The following EFHD1 variants were observed in gnomAD, a reference collection of about 807,000 sequenced individuals.
EFHD1 encodes EF-hand domain-containing protein D1.
A neutral mutation model predicts 17.2 loss-of-function variants in EFHD1; 10 were observed. The observed-to-expected ratio is 0.58, with a 90% CI of 0.36 to 0.99. EFHD1 has a LOEUF of 0.99. Among genes scored for constraint, EFHD1 ranks in the 50% least tolerant of loss-of-function variants. The pLI, the probability that EFHD1 is intolerant of heterozygous loss-of-function variation, is 0.01. For synonymous variants in EFHD1, 153 were observed against 142.0 expected, an observed-to-expected ratio of 1.08 and a Z score of -0.55; for missense variants, 310 against 327.5, an observed-to-expected ratio of 0.95 and a Z score of 0.41.
chr2:232,669,776 T>A (rs1423745816), intron 2 of EFHD1, among the ~76,000 whole-genome samples: 1 of 152,076 alleles, frequency 6.6e-6, no homozygotes, highest in East Asian at 1.9e-4. Context: ...AATCTTTGTA[T>A]TTTTAGTGGA....
intron 1 of EFHD1, among the ~76,000 whole-genome samples, chr2:232,615,648 T>C (rs1453518946): frequency 2.6e-5 from 4 of 151,754 alleles, no homozygotes; most frequent in Non-Finnish European, 5.9e-5. Context: ...AAAAATAGTG[T>C]AGTCGTTTTT....
At chr2:232,678,226 A>G (rs1475229806) in intron 3 of EFHD1, among the ~76,000 whole-genome samples, 3 of 151,898 alleles carry the variant, frequency 2.0e-5, no homozygotes, top group African/African-American at 7.3e-5. Flanking sequence ...AGATCACGCC[A>G]TTGAGCTCCA....
Position 232,672,312 on chromosome 2 carries a change from CT to C in EFHD1, c.455del (p.Leu152ArgfsTer18), listed in dbSNP as rs1695086865. 1 of 1,614,048 alleles carries C rather than the reference CT, an allele frequency of 6.2e-7. No individual in the cohort carries two copies. The highest frequency in any genetic ancestry group is 8.5e-7 in the Non-Finnish European group (1 of 1,180,044). On this transcript the variant is annotated frameshift_variant, in exon 3 of 4. Transcript: ENST00000264059. LOFTEE classifies it high-confidence loss of function. ...CCCTACTTTCTTTCCCCTGTAGTTCCTGCTCATTTTCCACAAGGCCGCGGCA... is the reference window on the plus strand; with the variant it reads ...CCCTACTTTCTTTCCCCTGTAGTTCCGCTCATTTTCCACAAGGCCGCGGCA... ...FDGKLSFREFLLIFHKAAAGE... is the reference protein window; with the variant it reads ...FDGKLSFREFXLIFHKAAAGE...
chr2:232,649,348 G>C (rs1298303565), intron 1 of EFHD1, among the ~76,000 whole-genome samples: 1 of 152,212 alleles, frequency 6.6e-6, no homozygotes, highest in African/African-American at 2.4e-5. Flanking sequence ...CTCAGTGGTG[G>C]CCTCAACTAG....
intron 1 of EFHD1, among the ~76,000 whole-genome samples, chr2:232,622,098 C>T (rs184342018): frequency 1.3e-5 from 2 of 152,316 alleles, no homozygotes; most frequent in East Asian, 3.9e-4. Context: ...TGGACATGAC[C>T]CTTCTCTACA....
At chr2:232,655,603 C>G (rs990855356) in intron 1 of EFHD1, among the ~76,000 whole-genome samples, 5 of 152,206 alleles carry the variant, frequency 3.3e-5, no homozygotes, top group Admixed American at 6.5e-5. Context: ...TGTGCAAGCT[C>G]TCTTTACTTC....
intron 1 of EFHD1, among the ~76,000 whole-genome samples, chr2:232,656,504 A>G (rs1694764638): frequency 6.6e-6 from 1 of 151,248 alleles, no homozygotes; most frequent in African/African-American, 2.4e-5. Context: ...GTATGAGCAC[A>G]GCTCATTGCA....
intron 1 of EFHD1, among the ~76,000 whole-genome samples, chr2:232,638,644 C>G (rs1694365495): frequency 6.6e-6 from 1 of 152,086 alleles, no homozygotes. Flanking sequence ...GGGAGGCTTA[C>G]TGGGGAGGTG....
chr2:232,606,133 G>A (rs7571133), exon 1 of EFHD1: 770,310 of 1,546,890 alleles, frequency 0.5, 197,625 homozygotes, highest in African/African-American at 0.72. Flanking sequence ...GCCAAGATCT[G>A]TAACGCTGAC....
At chr2:232,632,719 G>C (rs1053392994), upstream of EFHD1, among the ~76,000 whole-genome samples, 1 of 152,094 alleles carries the variant, frequency 6.6e-6, no homozygotes, top group African/African-American at 2.4e-5. Context: ...TCGACCTCCC[G>C]GGCTCAAGCC....
chr2:232,677,231 C>T (rs926031595), intron 3 of EFHD1, among the ~76,000 whole-genome samples: 6 of 142,802 alleles, frequency 4.2e-5, no homozygotes, highest in Non-Finnish European at 9.1e-5. Context: ...CACACACACA[C>T]ACACACACAC....
intron 1 of EFHD1, among the ~76,000 whole-genome samples, chr2:232,619,376 T>C (rs1456339281): frequency 6.7e-6 from 1 of 149,376 alleles, no homozygotes; most frequent in Non-Finnish European, 1.5e-5. Flanking sequence ...GATGGCGCGA[T>C]CTCGGCTCAC....
At chr2:232,650,459 T>C (rs2106203626) in intron 1 of EFHD1, among the ~76,000 whole-genome samples, 2 of 150,974 alleles carry the variant, frequency 1.3e-5, no homozygotes, top group Admixed American at 1.3e-4. Context: ...CACACACGGC[T>C]AATTTTGTAT....
At chr2:232,641,574 C>T (rs775031952) in intron 1 of EFHD1, among the ~76,000 whole-genome samples, 8 of 152,146 alleles carry the variant, frequency 5.3e-5, no homozygotes, top group Non-Finnish European at 1.2e-4. Context: ...GGCTTTGGGC[C>T]CTAAGGTTTC....
intron 3 of EFHD1, among the ~76,000 whole-genome samples, chr2:232,678,738 G>A (rs1314160682): frequency 1.3e-5 from 2 of 152,130 alleles, no homozygotes; most frequent in African/African-American, 2.4e-5. Context: ...AGCTGTGATC[G>A]CACCATTGCA....
At chr2:232,652,348 C>T (rs763900052) in intron 1 of EFHD1, among the ~76,000 whole-genome samples, 4 of 152,122 alleles carry the variant, frequency 2.6e-5, no homozygotes, top group Non-Finnish European at 5.9e-5. Context: ...CAACAGTGAC[C>T]TGGACATGGG....
chr2:232,641,423 C>T (rs546148332), intron 1 of EFHD1, among the ~76,000 whole-genome samples: 1 of 152,312 alleles, frequency 6.6e-6, no homozygotes, highest in African/African-American at 2.4e-5. Flanking sequence ...GGTACTCTGA[C>T]TCCCTGGCGT....
At chr2:232,654,416 C>CTTTTTTTTTTTTTTTT (rs539954632) in intron 1 of EFHD1, among the ~76,000 whole-genome samples, 10 of 94,598 alleles carry the variant, frequency 1.1e-4, no homozygotes, top group Admixed American at 2.6e-4. Context: ...TTCTTTCTTT[C>CTTTTTTTTTTTTTTTT]TTTTTTTTTT....
chr2:232,623,440 G>A (rs1312893829), intron 1 of EFHD1, among the ~76,000 whole-genome samples: 1 of 151,992 alleles, frequency 6.6e-6, no homozygotes, highest in Non-Finnish European at 1.5e-5. Context: ...TTGGGAGGCC[G>A]AGGCGGGTGG....
Sources: gnomAD v4.1 joint callset for allele counts (sites outside exome capture counted in the v4.1 genomes callset) on GRCh38, gnomAD v4.1.1 for gene constraint, MANE v1.5 for transcripts, NCBI Gene and HGNC (gene_info 2026-07-23, HGNC 2026-07-21) for gene names.